The following BMP10 variants were observed in gnomAD, a reference collection of about 807,000 sequenced individuals.
The protein encoded by BMP10 is bone morphogenetic protein 10.
BMP10 carries 9 observed loss-of-function variants against 29.9 expected under a neutral mutation model. That is an observed-to-expected ratio of 0.30 (90% CI 0.18 to 0.53). The LOEUF is 0.53. Ranked by LOEUF, BMP10 falls within the 20% of genes least tolerant of loss-of-function variation. BMP10 has a pLI of 0.96. For synonymous variants in BMP10, 202 were observed against 200.2 expected (o/e 1.01, Z -0.07); for missense variants, 474 against 524.3 (o/e 0.90, Z 0.94).
In BMP10 at chr2:68,865,516, A is replaced by C. The variant is rs1470507842; in HGVS notation, c.*115T>G. 1 of 1,093,530 alleles carries C rather than the reference A, an allele frequency of 9.1e-7. No individual in the cohort carries two copies. The highest frequency in any genetic ancestry group is 2.4e-5 in the East Asian group (1 of 41,686). The allele number at this position is 1,093,530 out of a possible 1,614,324, so 67.7% of individuals were successfully genotyped here. A position where few individuals can be genotyped will look rare whatever the true frequency, so the allele number is the denominator to read the frequency against. The stretch of plus-strand genomic sequence containing the variant: ...TTTCCTACAACAAACTGACCTGTCC[A>C]TTTCCTGAAGGCAGCAAGCCTCTAT... On this transcript the variant is annotated 3_prime_UTR_variant, in exon 2 of 2. Transcript: ENST00000295379. This position sits in a 1 kb window ranked among gnomAD's most constrained non-coding sequence, Gnocchi z 4.7.
In BMP10 at chr2:68,871,350, A is replaced by G. The variant is rs371370176; in HGVS notation, c.9T>C (p.Ser3=). Residue 3 remains serine (S), a synonymous_variant, in exon 1 of 2, where the codon TCT becomes TCC. Coordinates refer to ENST00000295379, the MANE Select transcript of BMP10 (RefSeq NM_014482.3). ...AAAGAGCGCACAGTGTCAGGACCAG[A>G]GAGCCCATGACTCCGCTCGAGCTCC... MG[S]LVLTLCALFC... is the part of the protein sequence containing the mutation. 9.3e-6 allele frequency: 15 copies of G among 1,613,496 alleles called. No individual in the cohort carries two copies. In the African/African-American group the frequency reaches 1.9e-4, roughly 20 times the overall value.
At chr2:68,870,826 TTG>T (rs1421957024) in intron 1 of BMP10, among the ~76,000 whole-genome samples, 197 bp downstream of exon 1, 1 of 152,214 alleles carries the variant, frequency 6.6e-6, no homozygotes, top group African/African-American at 2.4e-5. Context: ...TAAAAGATGT[TTG>T]TAAGTATTTT....
rs538562851 is a variant in BMP10 at position 68,861,245 on chromosome 2, C to T, written c.*4386G>A. On this transcript the variant is annotated 3_prime_UTR_variant, in exon 2 of 2. Coordinates refer to ENST00000295379, the MANE Select transcript of BMP10 (RefSeq NM_014482.3). ...GCTGATTCGGTGTGTCTGTGGTGTTCGCTGATTTCCAATGTCCATGAATGC... is the reference window on the plus strand; with the variant it reads ...GCTGATTCGGTGTGTCTGTGGTGTTTGCTGATTTCCAATGTCCATGAATGC... Among the ~76,000 whole-genome samples, 129 of 152,258 alleles carry T rather than the reference C, an allele frequency of 8.5e-4. No individual in the cohort carries two copies. The highest frequency in any genetic ancestry group is 3.1e-3 in the African/African-American group (127 of 41,540).
At position 68,871,275 on chromosome 2, in the gene BMP10, C is replaced by T. The variant is rs1390061348; in HGVS notation, c.84G>A (p.Glu28=). ...LVSGSPIMNL[E]QSPLEEDMSL... is the part of the protein sequence containing the mutation. ...ACATATCTTCTTCCAGAGGAGACTGCTCTAGGTTCATGATGGGGCTGCCAG... is the reference window on the plus strand; with the variant it reads ...ACATATCTTCTTCCAGAGGAGACTGTTCTAGGTTCATGATGGGGCTGCCAG... Residue 28 remains glutamate (E), a synonymous_variant, in exon 1 of 2, where the codon GAG becomes GAA. Transcript: ENST00000295379. 10 of 1,614,028 alleles carry T rather than the reference C, an allele frequency of 6.2e-6. No homozygotes were observed. Among genetic ancestry groups the T allele is most frequent in the Non-Finnish European group, 8.5e-6 (10 of 1,180,026 alleles).
rs948117680 is a variant in BMP10, at chr2:68,860,927, C to T, written c.*4704G>A. On this transcript the variant is annotated 3_prime_UTR_variant, in exon 2 of 2. Coordinates refer to ENST00000295379, the MANE Select transcript of BMP10 (RefSeq NM_014482.3). ...CAACTTATGGTTTCTTCAGACCATT[C>T]TTTATTAATATAGCAATTAGTTTTA... Among the ~76,000 whole-genome samples, 1 of 152,090 alleles carries T rather than the reference C, an allele frequency of 6.6e-6. No individual in the cohort carries two copies. Among genetic ancestry groups the T allele is most frequent in the African/African-American group, 2.4e-5 (1 of 41,394 alleles).
intron 1 of BMP10, 37 bp from the exon 2 acceptor site, chr2:68,866,608 G>T: frequency 2.0e-6 from 3 of 1,517,866 alleles, no homozygotes; most frequent in South Asian, 1.2e-5. Context: ...GGTTTGCAGT[G>T]GGTCTCAGGG....
In BMP10 at chr2:68,866,224, G is replaced by T. The variant is rs1682952057; in HGVS notation, c.682C>A (p.His228Asn). The T allele has an allele frequency of 1.2e-6, 2 of 1,613,996 alleles. No homozygotes were observed. Among genetic ancestry groups the T allele is most frequent in the Non-Finnish European group, 1.7e-6 (2 of 1,179,976 alleles). The change falls in exon 2 of 2, where the codon CAC becomes AAC. Residue 228 changes from histidine to asparagine, a missense_variant. Physicochemically the swap from His to Asn is moderately conservative, Grantham distance 68 (BLOSUM62 1). Transcript: ENST00000295379. ...HQLEVHIESKHDEAEDASSGR... is the reference protein window; with the variant it reads ...HQLEVHIESKNDEAEDASSGR... The stretch of plus-strand genomic sequence containing the variant: ...CTGCTGGCATCCTCAGCTTCATCGT[G>T]TTTGCTCTCAATGTGGACCTCCAGC...
chr2:68,869,842 A>G (rs1222860172), intron 1 of BMP10, among the ~76,000 whole-genome samples: 1 of 152,252 alleles, frequency 6.6e-6, no homozygotes, highest in African/African-American at 2.4e-5. Context: ...TCCAGTACCT[A>G]GAATATTAAG....
chr2:68,865,772 G>C lies in BMP10; in HGVS notation c.1134C>G (p.Leu378=). 6.2e-7 allele frequency: 1 copy of C among 1,614,114 alleles called. No individual in the cohort carries two copies. Among genetic ancestry groups the C allele is most frequent in the Non-Finnish European group, 8.5e-7 (1 of 1,179,984 alleles). Residue 378 remains leucine, a synonymous_variant, in exon 2 of 2, where the codon CTC becomes CTG. Coordinates refer to ENST00000295379, the MANE Select transcript of BMP10 (RefSeq NM_014482.3). The surrounding 1 kb of genome is among the most constrained non-coding windows in gnomAD (Gnocchi z 4.7). ...CTTTGGAAGCTTTCTGGGAATTCTT[G>C]AGGTGGACCAAGGCCTGGATAATTG... ...KHAIIQALVH[L]KNSQKASKAC...
chr2:68,869,245 T>C (rs920347741), intron 1 of BMP10, among the ~76,000 whole-genome samples: 1 of 35,778 alleles, frequency 2.8e-5, no homozygotes, highest in Non-Finnish European at 5.4e-5. Context: ...GCACGCTTTT[T>C]TCACCTTGGA....
Position 68,865,874 on chromosome 2 carries a change from C to T in BMP10, c.1032G>A (p.Pro344=), listed in dbSNP as rs1397703638. 25 of 1,614,032 alleles carry T rather than the reference C, an allele frequency of 1.5e-5. No homozygotes were observed. The highest frequency in any genetic ancestry group is 2.2e-5 in the East Asian group (1 of 44,872). The change falls in exon 2 of 2, where the codon CCG becomes CCA. Residue 344 remains proline, a synonymous_variant. Coordinates refer to ENST00000295379, the MANE Select transcript of BMP10 (RefSeq NM_014482.3). This position sits in a 1 kb window ranked among gnomAD's most constrained non-coding sequence, Gnocchi z 4.7. ...EIGWDSWIIA[P]PGYEAYECRG... is the part of the protein sequence containing the mutation. ...GGCATTCATAGGCTTCGTATCCAGGCGGAGCGATGATCCAGGAGTCCCACC... is the reference window on the plus strand; with the variant it reads ...GGCATTCATAGGCTTCGTATCCAGGTGGAGCGATGATCCAGGAGTCCCACC...
rs765978615 is a variant in BMP10, at chr2:68,865,903, T to G, written c.1003A>C (p.Ile335Leu). Residue 335 changes from isoleucine to leucine, a missense_variant, in exon 2 of 2, where the codon ATT becomes CTT. Around this residue, in one of 2 missense-constraint regions of BMP10, gnomAD observed 408 missense variants for 415.3 expected, o/e 0.98. Transcript: ENST00000295379. This position sits in a 1 kb window ranked among gnomAD's most constrained non-coding sequence, Gnocchi z 4.7. ...RTPLYIDFKE[I>L]GWDSWIIAPP... Reference sequence around the variant, plus strand: ...GCGATGATCCAGGAGTCCCACCCAATCTCCTTGAAGTCGATGTAGAGCGGG... The same window carrying G: ...GCGATGATCCAGGAGTCCCACCCAAGCTCCTTGAAGTCGATGTAGAGCGGG... 6.2e-7 allele frequency: 1 copy of G among 1,614,084 alleles called. No individual in the cohort carries two copies. Among genetic ancestry groups the G allele is most frequent in the Non-Finnish European group, 8.5e-7 (1 of 1,179,992 alleles).
At chr2:68,869,142 A>G (rs892586808) in intron 1 of BMP10, among the ~76,000 whole-genome samples, 2 of 152,214 alleles carry the variant, frequency 1.3e-5, no homozygotes, top group Non-Finnish European at 2.9e-5. Context: ...TGACCCCATA[A>G]TGCAGGTATT....
At chr2:68,866,932 G>A (rs986533740) in intron 1 of BMP10, among the ~76,000 whole-genome samples, 12 of 152,124 alleles carry the variant, frequency 7.9e-5, no homozygotes, top group Non-Finnish European at 1.0e-4. Context: ...CAAACAAAAC[G>A]CCACCAAATG....
rs928010533 is a variant in BMP10, at chr2:68,861,239, G to T, written c.*4392C>A. Among the ~76,000 whole-genome samples the T allele has an allele frequency of 6.6e-6, 1 of 152,166 alleles. No individual in the cohort carries two copies. The highest frequency in any genetic ancestry group is 1.5e-5 in the Non-Finnish European group (1 of 68,034). ...GCATCAGCTGATTCGGTGTGTCTGTGGTGTTCGCTGATTTCCAATGTCCAT... is the reference window on the plus strand; with the variant it reads ...GCATCAGCTGATTCGGTGTGTCTGTTGTGTTCGCTGATTTCCAATGTCCAT... On this transcript the variant is annotated 3_prime_UTR_variant, in exon 2 of 2. Transcript: ENST00000295379.
At position 68,863,557 on chromosome 2, in the gene BMP10, C is replaced by A. The variant is rs2103801865; in HGVS notation, c.*2074G>T. Among the ~76,000 whole-genome samples, 1 of 152,256 alleles carries A rather than the reference C, an allele frequency of 6.6e-6. No homozygotes were observed. The highest frequency in any genetic ancestry group is 1.5e-5 in the Non-Finnish European group (1 of 68,018). On this transcript the variant is annotated 3_prime_UTR_variant, in exon 2 of 2. Coordinates refer to ENST00000295379, the MANE Select transcript of BMP10 (RefSeq NM_014482.3). ...GCTATACATCACACACACATACACA[C>A]ATCATGTTATATGGAGGCTGTTCCA...
chr2:68,863,428 G>T lies in BMP10; in HGVS notation c.*2203C>A, dbSNP rs778936889. Among the ~76,000 whole-genome samples the T allele has an allele frequency of 2.0e-5, 3 of 152,170 alleles. No homozygotes were observed. Among genetic ancestry groups the T allele is most frequent in the Non-Finnish European group, 4.4e-5 (3 of 68,030 alleles). On this transcript the variant is annotated 3_prime_UTR_variant, in exon 2 of 2. Transcript: ENST00000295379. ...TATGTATTACAGTGTCCTTTAGAAA[G>T]GATAAGAAGTACCTTGGAGTATGTG...
rs552015002 is a variant in BMP10, at chr2:68,868,072, T to C, written c.335-1501A>G. Among the ~76,000 whole-genome samples, 7 of 152,336 alleles carry C rather than the reference T, an allele frequency of 4.6e-5. No homozygotes were observed. The East Asian group carries it at 1.3e-3, about 29-fold the overall frequency. On this transcript the variant is annotated intron_variant, in intron 1 of 1. Coordinates refer to ENST00000295379, the MANE Select transcript of BMP10 (RefSeq NM_014482.3). Reference sequence around the variant, plus strand: ...GGCATGGCTCTCAAGACCAGCTATATCTGGGTCTTAACCTCCTGATCAGCC... The same window carrying C: ...GGCATGGCTCTCAAGACCAGCTATACCTGGGTCTTAACCTCCTGATCAGCC...
rs1384267507 is a variant in BMP10 at position 68,863,213 on chromosome 2, G to T, written c.*2418C>A. Reference sequence around the variant, plus strand: ...TTTGCAAGCCAGTTGACATCACCTTGGCAGCTCAAGATAGACCATGTAGGA... The same window carrying T: ...TTTGCAAGCCAGTTGACATCACCTTTGCAGCTCAAGATAGACCATGTAGGA... On this transcript the variant is annotated 3_prime_UTR_variant, in exon 2 of 2. Transcript: ENST00000295379. 6.6e-6 allele frequency among the ~76,000 whole-genome samples: 1 copy of T among 152,202 alleles called. No individual in the cohort carries two copies. The highest frequency in any genetic ancestry group is 6.5e-5 in the Admixed American group (1 of 15,284).
Sources: allele counts gnomAD v4.1 joint callset (sites outside exome capture counted in the v4.1 genomes callset), GRCh38; gene constraint gnomAD v4.1.1; regional missense constraint gnomAD v4.1.1; non-coding constraint Gnocchi (gnomAD v3.1); transcripts MANE v1.5; gene names NCBI Gene and HGNC (gene_info 2026-07-23, HGNC 2026-07-21).